Variants in FANK1 observed in about 807,000 individuals in gnomAD.
FANK1 encodes the protein fibronectin type III and ankyrin repeat domains 1.
Under a neutral mutation model 45.3 loss-of-function variants are expected in FANK1, and 44 were observed. That is an observed-to-expected ratio of 0.97 (90% confidence interval 0.76 to 1.25). The LOEUF (loss-of-function observed/expected upper bound fraction) is 1.25. FANK1 is among the 50% of genes most tolerant of loss of function. FANK1 has a pLI of 0.00. For synonymous variants in FANK1, 149 were observed against 152.5 expected (o/e 0.98, Z 0.17); for missense variants, 391 against 424.4 (o/e 0.92, Z 0.69).
At chr10:125,965,701 T>C (rs1950169866) in intron 1 of FANK1, among the ~76,000 whole-genome samples, 1 of 152,238 alleles carries the variant, frequency 6.6e-6, no homozygotes, top group African/African-American at 2.4e-5. Context: ...GTTGAATCCG[T>C]TGTTGACCAA....
chr10:125,947,982 C>A (rs563291618), intron 1 of FANK1, among the ~76,000 whole-genome samples: 1 of 150,504 alleles, frequency 6.6e-6, no homozygotes, highest in South Asian at 2.1e-4. Flanking sequence ...ACTCAACTAC[C>A]TGGAAACTGA....
intron 1 of FANK1, among the ~76,000 whole-genome samples, chr10:125,979,502 TC>T (rs1219027670): frequency 6.6e-6 from 1 of 152,196 alleles, no homozygotes; most frequent in Non-Finnish European, 1.5e-5. Flanking sequence ...CATGAGAATA[TC>T]CTCTCCCTAT....
chr10:125,965,358 T>C (rs2134184212), intron 1 of FANK1, among the ~76,000 whole-genome samples: 1 of 152,350 alleles, frequency 6.6e-6, no homozygotes, highest in African/African-American at 2.4e-5. Flanking sequence ...TGTGAAAGTA[T>C]CCTACCATTT....
intron 6 of FANK1, chr10:126,004,196 T>C (rs2134229616): frequency 6.6e-6 from 1 of 151,640 alleles, no homozygotes; most frequent in South Asian, 2.1e-4. Flanking sequence ...TATTTAATTT[T>C]TAAATACCAA....
At position 125,952,820 on chromosome 10, in the gene FANK1, C is replaced by G. The variant is rs1385948661; in HGVS notation, c.14-27341C>G. ...ATACATACACACACACACACACACA[C>G]ACACACACACACACACACACACACA... On this transcript the variant is annotated intron_variant, in intron 1 of 10. Transcript: ENST00000368693. 2.2e-5 allele frequency among the ~76,000 whole-genome samples: 3 copies of G among 134,786 alleles called. 1 individual carries two copies. Among genetic ancestry groups the G allele is most frequent in the African/African-American group, 1.0e-4 (3 of 30,114 alleles). The allele number at this position is 134,786 out of a possible 152,430, so 88.4% of individuals were successfully genotyped here. A position where few individuals can be genotyped will look rare whatever the true frequency, so the allele number is the denominator to read the frequency against.
rs1258005082 is a variant in FANK1 at position 125,983,844 on chromosome 10, C to T, written c.191+3506C>T. Reference sequence around the variant, plus strand: ...TGTGAAGCTGAGAAGAGGTGTGATCCGGCTTATGTTTTACGAGGATCCCTC... The same window carrying T: ...TGTGAAGCTGAGAAGAGGTGTGATCTGGCTTATGTTTTACGAGGATCCCTC... On this transcript the variant is annotated intron_variant, in intron 2 of 10. Coordinates refer to ENST00000368693, the MANE Select transcript of FANK1 (RefSeq NM_145235.5). The surrounding 1 kb of genome is among the most constrained non-coding windows in gnomAD (Gnocchi z 4.3). Among the ~76,000 whole-genome samples, 10 of 152,168 alleles carry T rather than the reference C, an allele frequency of 6.6e-5. No individual in the cohort carries two copies. The highest frequency in any genetic ancestry group is 3.4e-3 in the Middle Eastern group (1 of 294).
chr10:125,904,459 G>T (rs1270903184), intron 1 of FANK1, among the ~76,000 whole-genome samples: 20 of 150,796 alleles, frequency 1.3e-4, no homozygotes, highest in African/African-American at 3.9e-4. Flanking sequence ...TTAATCTTAG[G>T]GACAGGGTCT....
intron 1 of FANK1, among the ~76,000 whole-genome samples, chr10:125,963,235 C>T (rs528481737): frequency 1.3e-5 from 2 of 152,298 alleles, no homozygotes; most frequent in South Asian, 2.1e-4. Context: ...CCACCTGCCT[C>T]GGTCTCCCGA....
rs1190885268 is a variant in FANK1 at position 125,939,934 on chromosome 10, AT to A, written c.14-40213del. On this transcript the variant is annotated intron_variant, in intron 1 of 10. Coordinates refer to ENST00000368693, the MANE Select transcript of FANK1 (RefSeq NM_145235.5). The stretch of plus-strand genomic sequence containing the variant: ...TTCTACTGTCATTATTATTATTATT[AT>A]TTTTTTTTTTTTTGAGACAGAGTCT... Among the ~76,000 whole-genome samples the A allele has an allele frequency of 4.5e-4, 67 of 149,822 alleles. 1 individual carries two copies. The highest frequency in any genetic ancestry group is 3.5e-3 in the Middle Eastern group (1 of 282).
intron 7 of FANK1, 125 bp downstream of exon 7, chr10:126,005,174 CT>C: frequency 1.7e-6 from 2 of 1,148,026 alleles, no homozygotes; most frequent in Non-Finnish European, 2.4e-6. Context: ...AGTTTTCTGA[CT>C]TAGCAAGAAA....
intron 1 of FANK1, among the ~76,000 whole-genome samples, chr10:125,967,576 G>A (rs1056039660): frequency 6.6e-6 from 1 of 152,050 alleles, no homozygotes; most frequent in East Asian, 1.9e-4. Context: ...TATACTATTC[G>A]TTCTACTTTT....
At chr10:125,898,051 C>T (rs1337368222) in intron 1 of FANK1, among the ~76,000 whole-genome samples, 15 of 128,904 alleles carry the variant, frequency 1.2e-4, no homozygotes, top group Non-Finnish European at 1.3e-4. Flanking sequence ...TGTGGTGGCG[C>T]GTGCCTGGAG....
intron 1 of FANK1, among the ~76,000 whole-genome samples, chr10:125,919,040 A>C (rs1265162751): frequency 6.6e-6 from 1 of 151,986 alleles, no homozygotes; most frequent in Non-Finnish European, 1.5e-5. Flanking sequence ...GAATTCTATA[A>C]ATTTAAATTC....
intron 1 of FANK1, among the ~76,000 whole-genome samples, chr10:125,899,747 ATAT>A (rs1244026617): frequency 6.6e-6 from 1 of 152,196 alleles, no homozygotes; most frequent in African/African-American, 2.4e-5. Context: ...ACTGTCAGCA[ATAT>A]TATGTTAACA....
intron 1 of FANK1, among the ~76,000 whole-genome samples, chr10:125,947,592 A>G (rs944305154): frequency 1.4e-3 from 209 of 152,010 alleles, no homozygotes; most frequent in African/African-American, 4.8e-3. Flanking sequence ...CACCCAATAC[A>G]AGAGCACCCA....
chr10:125,924,074 C>T (rs1589874149), intron 1 of FANK1, among the ~76,000 whole-genome samples: 1 of 152,004 alleles, frequency 6.6e-6, no homozygotes, highest in Non-Finnish European at 1.5e-5. Flanking sequence ...TGTGATTGAG[C>T]GACTACACTC....
chr10:125,953,752 A>G (rs1046339350), intron 1 of FANK1, among the ~76,000 whole-genome samples: 1 of 152,168 alleles, frequency 6.6e-6, no homozygotes, highest in Admixed American at 6.5e-5. Flanking sequence ...TGCTGAAGTC[A>G]GACAGAGTTG....
At chr10:125,954,074 A>G (rs1474397501) in intron 1 of FANK1, among the ~76,000 whole-genome samples, 5 of 152,210 alleles carry the variant, frequency 3.3e-5, no homozygotes, top group Admixed American at 1.3e-4. Context: ...GCTGTGTCCT[A>G]TCTCCACTGT....
chr10:125,978,501 C>G (rs756640804), intron 1 of FANK1, among the ~76,000 whole-genome samples: 2 of 151,358 alleles, frequency 1.3e-5, no homozygotes, highest in African/African-American at 2.4e-5. Flanking sequence ...GTCCATCTGT[C>G]AGATGGACAG....
Sources: gnomAD v4.1 joint callset for allele counts (sites outside exome capture counted in the v4.1 genomes callset) on GRCh38, gnomAD v4.1.1 for gene constraint, Gnocchi (gnomAD v3.1) non-coding constraint, MANE v1.5 for transcripts, NCBI Gene and HGNC (gene_info 2026-07-23, HGNC 2026-07-21) for gene names.